PRKAA2: variants seen among roughly 807,000 people sequenced by gnomAD.
PRKAA2 encodes the protein protein kinase AMP-activated catalytic subunit alpha 2, also known as 5'-AMP-activated protein kinase catalytic subunit alpha-2.
A neutral mutation model predicts 56.3 loss-of-function variants in PRKAA2; 40 were observed. That is an observed-to-expected ratio of 0.71 (90% CI 0.55 to 0.92). The LOEUF is 0.92. Ranked by LOEUF, PRKAA2 falls within the 40% of genes least tolerant of loss-of-function variation. The pLI is 0.00. For synonymous variants in PRKAA2, 214 were observed against 234.2 expected (o/e 0.91, Z 0.79); for missense variants, 542 against 686.9 (o/e 0.79, Z 2.36).
At chr1:56,696,247 G>GC in intron 6 of PRKAA2, 88 bp downstream of exon 6, 1 of 1,248,600 alleles carries the variant, frequency 8.0e-7, no homozygotes, top group East Asian at 2.3e-5. Context: ...CTCATTTCCT[G>GC]CCCTCACCAC....
intron 3 of PRKAA2, 62 bp from the exon 4 acceptor site, chr1:56,692,296 A>G: frequency 6.3e-7 from 1 of 1,595,140 alleles, no homozygotes; most frequent in South Asian, 1.1e-5. Flanking sequence ...CTGGGATTAC[A>G]GGCATGAGCC....
intron 1 of PRKAA2, among the ~76,000 whole-genome samples, chr1:56,662,131 G>GT (rs1643998583): frequency 6.6e-6 from 1 of 152,024 alleles, no homozygotes; most frequent in Non-Finnish European, 1.5e-5. Context: ...TGATACATTT[G>GT]TTAGGCAAGT....
rs1363020040 is a variant in PRKAA2 at position 56,713,393 on chromosome 1, T to C, written c.*5680T>C. 1 of 152,136 alleles carries C rather than the reference T, an allele frequency of 6.6e-6. No individual in the cohort carries two copies. The highest frequency in any genetic ancestry group is 6.6e-5 in the Admixed American group (1 of 15,248). 9.4% of individuals were successfully genotyped at this position (152,136 alleles called of 1,614,324 possible). ...TTGCAGTTGTGACTATGATGTGACT[T>C]TTGGTAAAAATGGTTTATATCTAAA... On this transcript the variant is annotated 3_prime_UTR_variant, in exon 9 of 9. Coordinates refer to ENST00000371244, the MANE Select transcript of PRKAA2 (RefSeq NM_006252.4).
In PRKAA2 at chr1:56,707,942, C is replaced by G; in HGVS notation, c.*229C>G. ...TATGATAAATTCACATAGGCAATAT[C>G]TTTAATAGGTTAATATCAATGAAGA... On this transcript the variant is annotated 3_prime_UTR_variant, in exon 9 of 9. Transcript: ENST00000371244. 1 of 552,632 alleles carries G rather than the reference C, an allele frequency of 1.8e-6. No homozygotes were observed. Among genetic ancestry groups the G allele is most frequent in the Middle Eastern group, 4.9e-4 (1 of 2,026 alleles). The allele number at this position is 552,632 out of a possible 1,614,324, so 34.2% of individuals were successfully genotyped here.
chr1:56,678,401 T>C (rs1569752783), intron 2 of PRKAA2, among the ~76,000 whole-genome samples: 1 of 152,186 alleles, frequency 6.6e-6, no homozygotes, highest in Admixed American at 6.5e-5. Flanking sequence ...AGTGGGACTC[T>C]AGAATTAGCA....
chr1:56,671,203 A>C (rs901621627), intron 1 of PRKAA2, among the ~76,000 whole-genome samples: 5 of 152,150 alleles, frequency 3.3e-5, no homozygotes, highest in African/African-American at 1.2e-4. Context: ...TTTCAGGTGG[A>C]ATGTGGTTAG....
intron 1 of PRKAA2, among the ~76,000 whole-genome samples, chr1:56,661,546 CTA>C (rs1330648411): frequency 6.6e-6 from 1 of 152,048 alleles, no homozygotes; most frequent in South Asian, 2.1e-4. Context: ...TGCATTAAGA[CTA>C]TACTATTATT....
chr1:56,691,631 T>G (rs1232868511), intron 3 of PRKAA2, 144 bp downstream of exon 3: 1 of 469,604 alleles, frequency 2.1e-6, no homozygotes, highest in African/African-American at 2.0e-5. Flanking sequence ...GTTAGATAAA[T>G]TTTCTTTCTT....
intron 2 of PRKAA2, among the ~76,000 whole-genome samples, chr1:56,675,216 G>T (rs1260550565): frequency 1.3e-5 from 2 of 152,056 alleles, no homozygotes; most frequent in African/African-American, 4.8e-5. Context: ...TTTAATATTT[G>T]TTGGGAAAAT....
intron 1 of PRKAA2, among the ~76,000 whole-genome samples, chr1:56,672,941 A>G (rs1267884187): frequency 2.0e-5 from 3 of 152,166 alleles, no homozygotes; most frequent in Admixed American, 1.3e-4. Context: ...TTTGGAGGGT[A>G]TATGATTTGG....
Position 56,712,095 on chromosome 1 carries a change from A to C in PRKAA2, c.*4382A>C, listed in dbSNP as rs188018075. On this transcript the variant is annotated 3_prime_UTR_variant, in exon 9 of 9. Transcript: ENST00000371244. ...TGATTTTTCGATCTAGAGACCCTTCATATTGTTTACTTACTATTACGATAA... is the reference window on the plus strand; with the variant it reads ...TGATTTTTCGATCTAGAGACCCTTCCTATTGTTTACTTACTATTACGATAA... The C allele has an allele frequency of 4.6e-5, 7 of 152,278 alleles. No homozygotes were observed. The East Asian group carries it at 9.7e-4, about 21-fold the overall frequency. 9.4% of individuals were successfully genotyped at this position (152,278 alleles called of 1,614,324 possible).
Position 56,693,195 on chromosome 1 carries a change from A to G in PRKAA2, c.476-570A>G, listed in dbSNP as rs552363489. Among the ~76,000 whole-genome samples, 17 of 152,184 alleles carry G rather than the reference A, an allele frequency of 1.1e-4. No homozygotes were observed. In the South Asian group the frequency reaches 3.3e-3, roughly 30 times the overall value. On this transcript the variant is annotated intron_variant, in intron 4 of 8. Coordinates refer to ENST00000371244, the MANE Select transcript of PRKAA2 (RefSeq NM_006252.4). ...TCTTTAATCTAAAAACCTAGAAACTACTTTCTCTATTTCTCTTCCTTCTCT... is the reference window on the plus strand; with the variant it reads ...TCTTTAATCTAAAAACCTAGAAACTGCTTTCTCTATTTCTCTTCCTTCTCT...
chr1:56,690,687 G>T (rs1332553107), intron 2 of PRKAA2, among the ~76,000 whole-genome samples: 2 of 151,984 alleles, frequency 1.3e-5, no homozygotes, highest in African/African-American at 4.8e-5. Context: ...TGAGGAAATG[G>T]TCATTTTTCA....
chr1:56,669,532 A>G (rs1644060478), intron 1 of PRKAA2, among the ~76,000 whole-genome samples: 1 of 151,686 alleles, frequency 6.6e-6, no homozygotes, highest in Admixed American at 6.6e-5. Context: ...TACCATGGTC[A>G]CTCACCTACT....
intron 7 of PRKAA2, among the ~76,000 whole-genome samples, chr1:56,704,830 T>C (rs1273969074): frequency 1.3e-5 from 2 of 151,710 alleles, no homozygotes; most frequent in East Asian, 3.9e-4. Context: ...TTTTCTTTTC[T>C]CTTTTTTTTA....
At chr1:56,694,763 T>C (rs1011488578) in intron 5 of PRKAA2, among the ~76,000 whole-genome samples, 1 of 151,892 alleles carries the variant, frequency 6.6e-6, no homozygotes, top group African/African-American at 2.4e-5. Flanking sequence ...TAATACTATC[T>C]CCTTGGGGGT....
Position 56,707,946 on chromosome 1 carries a change from A to G in PRKAA2, c.*233A>G. ...ATAAATTCACATAGGCAATATCTTTAATAGGTTAATATCAATGAAGATTTT... is the reference window on the plus strand; with the variant it reads ...ATAAATTCACATAGGCAATATCTTTGATAGGTTAATATCAATGAAGATTTT... On this transcript the variant is annotated 3_prime_UTR_variant, in exon 9 of 9. Coordinates refer to ENST00000371244, the MANE Select transcript of PRKAA2 (RefSeq NM_006252.4). The G allele has an allele frequency of 1.8e-6, 1 of 541,772 alleles. No individual in the cohort carries two copies. The highest frequency in any genetic ancestry group is 3.3e-6 in the Non-Finnish European group (1 of 305,922). 33.6% of individuals were successfully genotyped at this position (541,772 alleles called of 1,614,324 possible). A position where few individuals can be genotyped will look rare whatever the true frequency, so the allele number is the denominator to read the frequency against.
chr1:56,670,776 C>T (rs963601427), intron 1 of PRKAA2, among the ~76,000 whole-genome samples: 62 of 152,180 alleles, frequency 4.1e-4, no homozygotes, highest in African/African-American at 1.4e-3. Context: ...TGGATATTTA[C>T]GTGTATACAT....
intron 1 of PRKAA2, among the ~76,000 whole-genome samples, chr1:56,669,848 G>A (rs1644062510): frequency 6.6e-6 from 1 of 152,222 alleles, no homozygotes; most frequent in Non-Finnish European, 1.5e-5. Flanking sequence ...AGACAAGTCT[G>A]TTAGTTGAAG....
Sources: allele counts gnomAD v4.1 joint callset (sites outside exome capture counted in the v4.1 genomes callset), GRCh38; gene constraint gnomAD v4.1.1; transcripts MANE v1.5; gene names NCBI Gene and HGNC (gene_info 2026-07-23, HGNC 2026-07-21).